ASAP2: variants seen among roughly 807,000 people sequenced by gnomAD.
ASAP2 encodes the protein ArfGAP with SH3 domain, ankyrin repeat and PH domain 2.
A neutral mutation model predicts 131.4 loss-of-function variants in ASAP2; 45 were observed. That is an observed-to-expected ratio of 0.34 (90% CI 0.27 to 0.44). The LOEUF is 0.44. ASAP2 is among the 20% of genes least tolerant of loss of function. The probability of loss-of-function intolerance (pLI) is 1.00; values close to 1 mark genes in which losing one functional copy is unlikely to be tolerated. For synonymous variants in ASAP2, 510 were observed against 503.0 expected (o/e 1.01, Z -0.19); for missense variants, 1,011 against 1,297.0 (o/e 0.78, Z 3.39).
At position 9,207,342 on chromosome 2, in the gene ASAP2, G is replaced by C; in HGVS notation, c.126+112G>C. 7.2e-7 allele frequency: 1 copy of C among 1,381,202 alleles called. No homozygotes were observed. The highest frequency in any genetic ancestry group is 1.5e-5 in the South Asian group (1 of 68,294). 85.6% of individuals were successfully genotyped at this position (1,381,202 alleles called of 1,614,324 possible). On this transcript the variant is annotated intron_variant, in intron 1 of 27. Transcript: ENST00000281419. The surrounding 1 kb of genome is among the most constrained non-coding windows in gnomAD (Gnocchi z 4.1). The stretch of plus-strand genomic sequence containing the variant: ...CTTTCTTTGCTCCGAAGCCGGACGC[G>C]GCCGGGCCAACCCTGCCCGAGACAG...
chr2:9,222,647 T>G (rs1188832191), intron 1 of ASAP2, among the ~76,000 whole-genome samples: 1 of 152,202 alleles, frequency 6.6e-6, no homozygotes, highest in Non-Finnish European at 1.5e-5. Context: ...TACTGGAGCA[T>G]CGGGCTGTCA....
intron 22 of ASAP2, among the ~76,000 whole-genome samples, chr2:9,388,755 T>C (rs1388672793): frequency 6.6e-6 from 1 of 152,118 alleles, no homozygotes; most frequent in African/African-American, 2.4e-5. Flanking sequence ...CTGGGCAGAG[T>C]TGTGGCATCT....
intron 24 of ASAP2, among the ~76,000 whole-genome samples, chr2:9,393,972 A>G (rs1675923408): frequency 6.6e-6 from 1 of 152,138 alleles, no homozygotes; most frequent in Admixed American, 6.5e-5. Context: ...TTTTGAACAC[A>G]TAGACCCTCT....
At chr2:9,383,116 C>G (rs1674994467) in intron 20 of ASAP2, among the ~76,000 whole-genome samples, 1 of 151,240 alleles carries the variant, frequency 6.6e-6, no homozygotes, top group Admixed American at 6.6e-5. Context: ...GGCCACGGGA[C>G]TGTTTGAGTC....
intron 3 of ASAP2, among the ~76,000 whole-genome samples, chr2:9,317,527 CTCAA>C (rs549143414): frequency 0.016 from 2,356 of 149,118 alleles, 24 homozygotes; most frequent in Non-Finnish European, 0.025. Context: ...ACACCCCACA[CTCAA>C]ATCCACACAA....
At chr2:9,211,687 G>A (rs1661571742) in intron 1 of ASAP2, among the ~76,000 whole-genome samples, 2 of 152,164 alleles carry the variant, frequency 1.3e-5, no homozygotes, top group Admixed American at 6.5e-5. Context: ...TGCAGGGGTG[G>A]GGTGAGCATC....
At chr2:9,271,315 C>G in intron 1 of ASAP2, 1 of 935,518 alleles carries the variant, frequency 1.1e-6, no homozygotes, top group Admixed American at 1.7e-5. Flanking sequence ...GCTGATCGTC[C>G]TTAGCCAGTC....
intron 1 of ASAP2, among the ~76,000 whole-genome samples, chr2:9,262,794 C>T (rs1030642479): frequency 4.6e-5 from 7 of 152,330 alleles, no homozygotes; most frequent in East Asian, 1.9e-4. Context: ...GACAGAAGCC[C>T]CAGCACACGG....
At chr2:9,218,015 G>T (rs988763974) in intron 1 of ASAP2, among the ~76,000 whole-genome samples, 8 of 151,804 alleles carry the variant, frequency 5.3e-5, no homozygotes, top group African/African-American at 1.5e-4. Flanking sequence ...TTAAATTGAT[G>T]ATTTGATCCC....
intron 26 of ASAP2, 103 bp downstream of exon 26, chr2:9,400,933 T>A: frequency 4.1e-6 from 5 of 1,218,516 alleles, no homozygotes; most frequent in Non-Finnish European, 4.7e-6. Flanking sequence ...TTCCCCTGGC[T>A]GGGGCAGGGC....
chr2:9,332,897 G>A lies in ASAP2; in HGVS notation c.687-1841G>A, dbSNP rs113085589. Among the ~76,000 whole-genome samples the A allele has an allele frequency of 2.8e-3, 421 of 152,318 alleles. 1 individual carries two copies. Among genetic ancestry groups the A allele is most frequent in the South Asian group, 0.021 (101 of 4,828 alleles). ...AACGTATTAAAATACAGGAACAAGA[G>A]TATAAAATAAAGAATGATGTGTCTG... On this transcript the variant is annotated intron_variant, in intron 7 of 27. Coordinates refer to ENST00000281419, the MANE Select transcript of ASAP2 (RefSeq NM_003887.3).
At chr2:9,270,799 T>C (rs1572310687) in intron 1 of ASAP2, among the ~76,000 whole-genome samples, 1 of 126,230 alleles carries the variant, frequency 7.9e-6, no homozygotes, top group East Asian at 2.1e-4. Flanking sequence ...TTTTTTTTTT[T>C]TTTTTTTTTT....
Position 9,403,276 on chromosome 2 carries a change from T to C in ASAP2, c.2970T>C (p.Pro990=). 1.2e-6 allele frequency: 2 copies of C among 1,614,196 alleles called. No homozygotes were observed. Among genetic ancestry groups the C allele is most frequent in the East Asian group, 2.2e-5 (1 of 44,884 alleles). The change falls in exon 28 of 28, where the codon CCT becomes CCC. Residue 990 remains proline (P), a synonymous_variant. Coordinates refer to ENST00000281419, the MANE Select transcript of ASAP2 (RefSeq NM_003887.3). ...AGATTGGCCACATTGATGGAGATCC[T>C]GGTCGCAAAGGCGCATTCCCGGTGT... ...EWWIGHIDGD[P]GRKGAFPVSF... is the part of the protein sequence containing the mutation.
intron 15 of ASAP2, among the ~76,000 whole-genome samples, chr2:9,362,437 T>G (rs1241426130): frequency 1.3e-5 from 2 of 152,254 alleles, no homozygotes; most frequent in African/African-American, 4.8e-5. Flanking sequence ...ATTTATAGTG[T>G]ACAACATGAT....
At chr2:9,401,158 C>T in intron 26 of ASAP2, 116 bp from the exon 27 acceptor site, 1 of 1,345,466 alleles carries the variant, frequency 7.4e-7, no homozygotes, top group South Asian at 1.4e-5. Flanking sequence ...CATCTGCAGG[C>T]TTCTCAGGCC....
intron 16 of ASAP2, among the ~76,000 whole-genome samples, chr2:9,371,637 TG>T (rs1673968156): frequency 6.6e-6 from 1 of 151,980 alleles, no homozygotes; most frequent in South Asian, 2.1e-4. Flanking sequence ...GTCAGGGACG[TG>T]TAACTGGGGG....
In ASAP2 at chr2:9,367,099, C is replaced by T. The variant is rs1396062172; in HGVS notation, c.1462-1326C>T. On this transcript the variant is annotated intron_variant, in intron 15 of 27. Coordinates refer to ENST00000281419, the MANE Select transcript of ASAP2 (RefSeq NM_003887.3). The stretch of plus-strand genomic sequence containing the variant: ...AGGCTGGAGTCCAGTGGTGTGATCT[C>T]GGCTCACTGCAATCTTCACCTCCTG... 1.0e-4 allele frequency among the ~76,000 whole-genome samples: 15 copies of T among 145,546 alleles called. 1 individual carries two copies. The highest frequency in any genetic ancestry group is 6.9e-4 in the Admixed American group (10 of 14,526).
In ASAP2 at chr2:9,207,069, C is replaced by G. The variant is rs765643168; in HGVS notation, c.-36C>G. ...CTGCGGCAGTTGAGGCGGCGGCGCC[C>G]CTGCGGCTGTGCGCCAGCGCCCTCG... is the stretch of plus-strand genomic sequence containing the variant. On this transcript the variant is annotated 5_prime_UTR_variant, in exon 1 of 28. Coordinates refer to ENST00000281419, the MANE Select transcript of ASAP2 (RefSeq NM_003887.3). The surrounding 1 kb of genome is among the most constrained non-coding windows in gnomAD (Gnocchi z 4.1). 1 of 1,508,128 alleles carries G rather than the reference C, an allele frequency of 6.6e-7. No individual in the cohort carries two copies. The highest frequency in any genetic ancestry group is 1.2e-5 in the South Asian group (1 of 82,058). The allele number at this position is 1,508,128 out of a possible 1,614,324, so 93.4% of individuals were successfully genotyped here.
intron 24 of ASAP2, among the ~76,000 whole-genome samples, chr2:9,393,890 A>G (rs972782982): frequency 6.6e-6 from 1 of 152,238 alleles, no homozygotes; most frequent in Admixed American, 6.5e-5. Context: ...TCAACACACA[A>G]GGCTTCTGGG....
Sources: allele counts gnomAD v4.1 joint callset (sites outside exome capture counted in the v4.1 genomes callset), GRCh38; gene constraint gnomAD v4.1.1; non-coding constraint Gnocchi (gnomAD v3.1); transcripts MANE v1.5; gene names NCBI Gene and HGNC (gene_info 2026-07-23, HGNC 2026-07-21).